ZNF879: variants seen among roughly 807,000 people sequenced by gnomAD.
The protein encoded by ZNF879 is zinc finger protein 879.
In ZNF879, 32 loss-of-function variants were observed where a neutral mutation model predicts 44.3. That is an observed-to-expected ratio of 0.72 (90% CI 0.54 to 0.97). The LOEUF (loss-of-function observed/expected upper bound fraction) is 0.97. Among genes scored for constraint, ZNF879 ranks in the 50% least tolerant of loss-of-function variants. The pLI is 0.00. For synonymous variants in ZNF879, 234 were observed against 233.2 expected (o/e 1.00, Z -0.03); for missense variants, 621 against 669.7 (o/e 0.93, Z 0.80).
chr5:179,027,850 T>C (rs1254309009), intron 3 of ZNF879, among the ~76,000 whole-genome samples, 182 bp from the exon 4 acceptor site: 1 of 151,962 alleles, frequency 6.6e-6, no homozygotes. Context: ...CTGAGAGGAG[T>C]GCACAACCAG....
intron 2 of ZNF879, among the ~76,000 whole-genome samples, chr5:179,026,822 T>C (rs1372540389): frequency 2.0e-5 from 3 of 152,178 alleles, no homozygotes; most frequent in African/African-American, 7.2e-5. Context: ...GAGATGGCCC[T>C]AGTTCAGAGC....
At chr5:179,031,846 C>A (rs889595271) in intron 4 of ZNF879, among the ~76,000 whole-genome samples, 1 of 152,206 alleles carries the variant, frequency 6.6e-6, no homozygotes, top group African/African-American at 2.4e-5. Flanking sequence ...TTAATTTTAG[C>A]CCCTCTGCAG....
At position 179,027,600 on chromosome 5, in the gene ZNF879, G is replaced by A. The variant is rs765739969; in HGVS notation, c.160+1G>A. On this transcript the variant is annotated splice_donor_variant, in intron 3 of 4. Coordinates refer to ENST00000444149, the MANE Select transcript of ZNF879 (RefSeq NM_001136116.3). LOFTEE classifies it high-confidence loss of function. The stretch of plus-strand genomic sequence containing the variant: ...AACTACAGCATCCTGGTCTCACTGG[G>A]TAAGGAACTTTCCTCCTGATGCAGA... The A allele has an allele frequency of 5.6e-6, 9 of 1,613,736 alleles. No individual in the cohort carries two copies. In the Admixed American group the frequency reaches 1.2e-4, roughly 21 times the overall value.
At chr5:179,027,417 A>C (rs1761300192) in intron 2 of ZNF879, 56 bp from the exon 3 acceptor site, 1 of 1,601,748 alleles carries the variant, frequency 6.2e-7, no homozygotes, top group African/African-American at 1.3e-5. Context: ...GTTGCTTCTC[A>C]GTCTTCTCGT....
chr5:179,028,535 C>G (rs1443451295), intron 4 of ZNF879, among the ~76,000 whole-genome samples: 4 of 151,284 alleles, frequency 2.6e-5, no homozygotes, highest in Non-Finnish European at 5.9e-5. Flanking sequence ...GCTTTGATTT[C>G]TTTGGTGTAC....
chr5:179,024,001 C>G (rs1370465473), intron 1 of ZNF879, 97 bp downstream of exon 1: 1 of 152,182 alleles, frequency 6.6e-6, no homozygotes, highest in Non-Finnish European at 1.5e-5. Flanking sequence ...GAGTCCCCGG[C>G]TCCGGGCGTC....
intron 3 of ZNF879, 117 bp from the exon 4 acceptor site, chr5:179,027,915 T>G: frequency 1.1e-6 from 1 of 923,474 alleles, no homozygotes; most frequent in Non-Finnish European, 1.7e-6. Flanking sequence ...GAGCCCAGTT[T>G]GAAGCCTCTC....
At position 179,032,395 on chromosome 5, in the gene ZNF879, C is replaced by T. The variant is rs1167550401; in HGVS notation, c.447C>T (p.Tyr149=). ...SKVLVTIKKV[Y]MKERSFKGVE... ...TGTTAGTTACCATCAAAAAAGTCTACATGAAGGAGAGGAGCTTTAAAGGTG... is the reference window on the plus strand; with the variant it reads ...TGTTAGTTACCATCAAAAAAGTCTATATGAAGGAGAGGAGCTTTAAAGGTG... Residue 149 remains tyrosine, a synonymous_variant, in exon 5 of 5, where the codon TAC becomes TAT. Coordinates refer to ENST00000444149, the MANE Select transcript of ZNF879 (RefSeq NM_001136116.3). 3 of 1,551,262 alleles carry T rather than the reference C, an allele frequency of 1.9e-6. No individual in the cohort carries two copies. Among genetic ancestry groups the T allele is most frequent in the Non-Finnish European group, 2.6e-6 (3 of 1,146,900 alleles).
chr5:179,033,923 G>T lies in ZNF879; in HGVS notation c.*283G>T. The T allele has an allele frequency of 4.2e-6, 1 of 238,468 alleles. No individual in the cohort carries two copies. The highest frequency in any genetic ancestry group is 8.0e-6 in the Non-Finnish European group (1 of 124,562). 14.8% of individuals were successfully genotyped at this position (238,468 alleles called of 1,614,324 possible). On this transcript the variant is annotated 3_prime_UTR_variant, in exon 5 of 5. Coordinates refer to ENST00000444149, the MANE Select transcript of ZNF879 (RefSeq NM_001136116.3). ...GATTGTCTAGTGATGTACGATAACA[G>T]CCACCAGCTTTCCTGAGCATCACTG...
chr5:179,026,527 G>C (rs1422829740), intron 2 of ZNF879, among the ~76,000 whole-genome samples: 1 of 152,162 alleles, frequency 6.6e-6, no homozygotes, highest in Non-Finnish European at 1.5e-5. Flanking sequence ...CTGTTGCCCA[G>C]GCTGGAGTGC....
intron 4 of ZNF879, among the ~76,000 whole-genome samples, chr5:179,030,848 A>C (rs1761398121): frequency 6.6e-6 from 1 of 152,196 alleles, no homozygotes; most frequent in Admixed American, 6.5e-5. Context: ...GTAGACAAAA[A>C]ATTACTCTCA....
In ZNF879 at chr5:179,032,274, T is replaced by C. The variant is rs1389091088; in HGVS notation, c.326T>C (p.Ile109Thr). The part of the protein sequence containing the change: ...ENQEVMKKLI[I>T]DGTFDFKLEK... ...CAGGAAGTCATGAAAAAACTCATAA[T>C]TGATGGCACATTTGACTTCAAGTTG... is the stretch of plus-strand genomic sequence containing the variant. The change falls in exon 5 of 5, where the codon ATT becomes ACT. Residue 109 changes from isoleucine to threonine, a missense_variant. Coordinates refer to ENST00000444149, the MANE Select transcript of ZNF879 (RefSeq NM_001136116.3). 10 of 1,540,018 alleles carry C rather than the reference T, an allele frequency of 6.5e-6. No homozygotes were observed. In the East Asian group the frequency reaches 2.4e-4, roughly 38 times the overall value.
rs752187233 is a variant in ZNF879, at chr5:179,032,590, C to T, written c.642C>T (p.Leu214=). The change falls in exon 5 of 5, where the codon CTC becomes CTT. Residue 214 remains leucine (L), a synonymous_variant. Coordinates refer to ENST00000444149, the MANE Select transcript of ZNF879 (RefSeq NM_001136116.3). ...YKCNICGKIF[L]HSSSLSKHQR... ...GTAATATCTGTGGGAAAATCTTCCT[C>T]CACAGTTCCTCCCTGAGTAAACACC... 5.8e-5 allele frequency: 90 copies of T among 1,556,256 alleles called. No homozygotes were observed. Among genetic ancestry groups the T allele is most frequent in the Non-Finnish European group, 7.7e-5 (88 of 1,149,924 alleles).
intron 4 of ZNF879, among the ~76,000 whole-genome samples, chr5:179,031,412 T>G (rs1761415276): frequency 6.6e-6 from 1 of 152,236 alleles, no homozygotes; most frequent in Non-Finnish European, 1.5e-5. Context: ...CTAGGGCCTT[T>G]GTGTTACTGT....
intron 4 of ZNF879, among the ~76,000 whole-genome samples, 176 bp downstream of exon 4, chr5:179,028,303 C>T (rs1581099771): frequency 6.6e-6 from 1 of 152,120 alleles, no homozygotes; most frequent in South Asian, 2.1e-4. Context: ...GTTGAATTCT[C>T]CCAATATGGG....
In ZNF879 at chr5:179,028,102, T is replaced by C. The variant is rs1231544557; in HGVS notation, c.231T>C (p.Ser77=). Residue 77 remains serine, a synonymous_variant, in exon 4 of 5, where the codon AGT becomes AGC. Coordinates refer to ENST00000444149, the MANE Select transcript of ZNF879 (RefSeq NM_001136116.3). ...GAGAAGACCCCTGGATGGTGGAGAG[T>C]GGAGTTCCCCAAGGCGCACATCTCG... ...EQGEDPWMVE[S]GVPQGAHLGW... is the part of the protein sequence containing the mutation. 9 of 1,550,904 alleles carry C rather than the reference T, an allele frequency of 5.8e-6. No homozygotes were observed. Among genetic ancestry groups the C allele is most frequent in the African/African-American group, 1.4e-5 (1 of 72,854 alleles).
In ZNF879 at chr5:179,033,216, C is replaced by G; in HGVS notation, c.1268C>G (p.Thr423Ser). Residue 423 changes from threonine (T) to serine (S), a missense_variant, in exon 5 of 5, where the codon ACT becomes AGT. Thr to Ser is a moderately conservative substitution (Grantham distance 58). Transcript: ENST00000444149. ...SALIQHQRIHTGEKPYKCNEC... is the reference protein window; with the variant it reads ...SALIQHQRIHSGEKPYKCNEC... ...CTCATACAACATCAAAGAATTCACACTGGAGAAAAACCCTACAAATGTAAT... is the reference window on the plus strand; with the variant it reads ...CTCATACAACATCAAAGAATTCACAGTGGAGAAAAACCCTACAAATGTAAT... 1 of 1,595,540 alleles carries G rather than the reference C, an allele frequency of 6.3e-7. No homozygotes were observed. The highest frequency in any genetic ancestry group is 1.3e-5 in the African/African-American group (1 of 74,236).
chr5:179,030,383 A>C (rs1453411536), intron 4 of ZNF879, among the ~76,000 whole-genome samples: 2 of 152,256 alleles, frequency 1.3e-5, no homozygotes, highest in Non-Finnish European at 2.9e-5. Flanking sequence ...TTGTTATAAC[A>C]TGAGGCATCA....
chr5:179,025,822 C>T (rs1385015945), intron 2 of ZNF879, among the ~76,000 whole-genome samples: 3 of 151,824 alleles, frequency 2.0e-5, no homozygotes, highest in African/African-American at 7.3e-5. Flanking sequence ...GAGGCTGAGG[C>T]AGGAGAATCA....
Sources: gnomAD v4.1 joint callset for allele counts (sites outside exome capture counted in the v4.1 genomes callset) on GRCh38, gnomAD v4.1.1 for gene constraint, MANE v1.5 for transcripts, NCBI Gene and HGNC (gene_info 2026-07-23, HGNC 2026-07-21) for gene names.